PTPRD: variants seen among roughly 807,000 people sequenced by gnomAD.
PTPRD encodes receptor-type tyrosine-protein phosphatase delta.
A neutral mutation model predicts 214.5 loss-of-function variants in PTPRD; 34 were observed. That is an observed-to-expected ratio of 0.16 (90% CI 0.12 to 0.21). The LOEUF is 0.21. PTPRD is among the 10% of genes least tolerant of loss of function. The pLI is 1.00. For synonymous variants in PTPRD, 1,128 were observed against 845.7 expected, an observed-to-expected ratio of 1.33 and a Z score of -5.79; for missense variants, 2,545 against 2,398.7, an observed-to-expected ratio of 1.06 and a Z score of -1.27.
intron 9 of PTPRD, among the ~76,000 whole-genome samples, chr9:9,342,695 G>T (rs1015228073): frequency 1.5e-5 from 2 of 134,106 alleles, no homozygotes; most frequent in Admixed American, 1.6e-4. Context: ...CTCACAAATT[G>T]TATATCTCTG....
chr9:10,552,488 T>C (rs1446556460), intron 2 of PTPRD, among the ~76,000 whole-genome samples: 1 of 152,130 alleles, frequency 6.6e-6, no homozygotes, highest in Non-Finnish European at 1.5e-5. Context: ...TTCTACATGA[T>C]CATGTGTAAC....
intron 9 of PTPRD, among the ~76,000 whole-genome samples, chr9:9,359,034 A>T (rs1010798714): frequency 1.3e-5 from 2 of 151,338 alleles, no homozygotes; most frequent in Admixed American, 6.6e-5. Context: ...GGAAATTATG[A>T]AGCAGAACAG....
intron 11 of PTPRD, among the ~76,000 whole-genome samples, chr9:8,797,601 C>T (rs1199077509): frequency 6.6e-6 from 1 of 152,214 alleles, no homozygotes; most frequent in Non-Finnish European, 1.5e-5. Flanking sequence ...AGCAGAAACT[C>T]TCTGGAACTG....
intron 10 of PTPRD, among the ~76,000 whole-genome samples, chr9:9,156,883 AG>A (rs2099881654): frequency 6.6e-6 from 1 of 152,202 alleles, no homozygotes; most frequent in Admixed American, 6.5e-5. Context: ...ATAAGTAATG[AG>A]GCCTCTCTAG....
chr9:9,748,404 G>C lies in PTPRD; in HGVS notation c.-325-13833C>G, dbSNP rs374995873. Among the ~76,000 whole-genome samples the C allele has an allele frequency of 4.6e-5, 7 of 152,248 alleles. No individual in the cohort carries two copies. The East Asian group carries it at 9.7e-4, about 21-fold the overall frequency. ...TGCCATATTCTATCAATGAGCTATT[G>C]CTACGTGCATTAACATGGACAGTTC... On this transcript the variant is annotated intron_variant, in intron 6 of 45. Transcript: ENST00000381196.
intron 3 of PTPRD, among the ~76,000 whole-genome samples, chr9:10,200,275 T>C (rs1297063628): frequency 6.6e-6 from 1 of 152,164 alleles, no homozygotes; most frequent in East Asian, 1.9e-4. Flanking sequence ...ACTGATAAGC[T>C]GACTGGTATA....
At chr9:10,015,684 A>G (rs2096692850) in intron 4 of PTPRD, among the ~76,000 whole-genome samples, 1 of 152,176 alleles carries the variant, frequency 6.6e-6, no homozygotes, top group African/African-American at 2.4e-5. Flanking sequence ...TACTAAAAGA[A>G]AAAGAACGAG....
chr9:9,296,506 C>G (rs1416873653), intron 9 of PTPRD, among the ~76,000 whole-genome samples: 2 of 151,744 alleles, frequency 1.3e-5, no homozygotes, highest in Non-Finnish European at 2.9e-5. Context: ...TGTATACACA[C>G]AAAAACTATG....
At chr9:9,114,603 G>A (rs187326214) in intron 10 of PTPRD, among the ~76,000 whole-genome samples, 22 of 152,126 alleles carry the variant, frequency 1.4e-4, no homozygotes, top group African/African-American at 5.1e-4. Context: ...CATTCCTGGG[G>A]ACTTTATGGT....
At chr9:10,290,944 T>C (rs1001725412) in intron 3 of PTPRD, among the ~76,000 whole-genome samples, 4 of 152,014 alleles carry the variant, frequency 2.6e-5, no homozygotes, top group Non-Finnish European at 5.9e-5. Flanking sequence ...TAGAGAACTG[T>C]TTGTTGTTTA....
intron 9 of PTPRD, among the ~76,000 whole-genome samples, chr9:9,281,962 G>A (rs1470034710): frequency 6.6e-6 from 1 of 151,196 alleles, no homozygotes; most frequent in Non-Finnish European, 1.5e-5. Context: ...GAAAAAACAT[G>A]GAGAAACCAT....
intron 11 of PTPRD, among the ~76,000 whole-genome samples, chr9:8,941,385 TG>T (rs1247809212): frequency 1.3e-5 from 2 of 152,166 alleles, no homozygotes; most frequent in Admixed American, 6.5e-5. Context: ...AATTTTGAAT[TG>T]TATGTATATA....
At chr9:8,934,508 TATATATATATAA>T (rs1567101686) in intron 11 of PTPRD, among the ~76,000 whole-genome samples, 15,254 of 56,364 alleles carry the variant, frequency 0.27, 3,479 homozygotes, top group East Asian at 0.49. Context: ...TATATATAAA[TATATATATATAA>T]ATATATATAT....
chr9:8,641,524 T>G (rs1441045224), intron 12 of PTPRD, among the ~76,000 whole-genome samples: 1 of 148,422 alleles, frequency 6.7e-6, no homozygotes, highest in Admixed American at 6.6e-5. Flanking sequence ...TGCCAGGTAC[T>G]GCACAGGTCA....
intron 2 of PTPRD, among the ~76,000 whole-genome samples, chr9:10,507,734 CT>C (rs1349804513): frequency 2.0e-5 from 3 of 152,150 alleles, no homozygotes; most frequent in African/African-American, 7.2e-5. Context: ...GCTGGGAAAA[CT>C]GGCTAGCCAT....
chr9:9,333,647 A>G (rs2043255456), intron 9 of PTPRD, among the ~76,000 whole-genome samples: 1 of 151,428 alleles, frequency 6.6e-6, no homozygotes, highest in African/African-American at 2.4e-5. Context: ...TTCCAGCTGT[A>G]TGACTAACAT....
chr9:8,470,201 A>C (rs910805618), intron 31 of PTPRD, among the ~76,000 whole-genome samples: 2 of 152,122 alleles, frequency 1.3e-5, no homozygotes, highest in African/African-American at 4.8e-5. Context: ...TAAAATGTGA[A>C]TTCTACTCAT....
At chr9:8,771,517 A>G (rs2095212170) in intron 11 of PTPRD, among the ~76,000 whole-genome samples, 2 of 152,192 alleles carry the variant, frequency 1.3e-5, no homozygotes, top group East Asian at 1.9e-4. Context: ...TGACACACGG[A>G]CTTTAAATAA....
intron 5 of PTPRD, among the ~76,000 whole-genome samples, chr9:9,851,346 A>T (rs563601347): frequency 6.6e-6 from 1 of 152,340 alleles, no homozygotes; most frequent in Admixed American, 6.5e-5. Flanking sequence ...TTGGCATGGC[A>T]GCTTCTACAC....
Sources: allele counts gnomAD v4.1 joint callset (sites outside exome capture counted in the v4.1 genomes callset), GRCh38; gene constraint gnomAD v4.1.1; transcripts MANE v1.5; gene names NCBI Gene and HGNC (gene_info 2026-07-23, HGNC 2026-07-21).